The following REC114 variants were observed in gnomAD, a reference collection of about 807,000 sequenced individuals.
REC114 encodes the protein REC114 meiotic recombination protein.
A neutral mutation model predicts 31.3 loss-of-function variants in REC114; 27 were observed. The observed-to-expected ratio is 0.86, with a 90% confidence interval of 0.64 to 1.19. The LOEUF (loss-of-function observed/expected upper bound fraction) is 1.19, where lower values mean the gene tolerates loss of function less well. REC114 is among the 50% of genes most tolerant of loss of function. The pLI, the probability that REC114 is intolerant of heterozygous loss-of-function variation, is 0.00. For missense variants in REC114, 344 were observed against 326.9 expected (o/e 1.05, Z -0.40); for synonymous variants, 134 against 127.7 (o/e 1.05, Z -0.33).
chr15:73,494,491 CAAAA>C (rs769659178), intron 2 of REC114, among the ~76,000 whole-genome samples: 1 of 84,148 alleles, frequency 1.2e-5, no homozygotes. Flanking sequence ...GACCCTGTCT[CAAAA>C]AAAAAAAAAA....
At chr15:73,520,328 T>G (rs998862483) in intron 2 of REC114, among the ~76,000 whole-genome samples, 3 of 152,022 alleles carry the variant, frequency 2.0e-5, no homozygotes, top group African/African-American at 7.2e-5. Flanking sequence ...GCCTCCCGGG[T>G]TTAAGCAATT....
chr15:73,460,813 G>A (rs2151254225), intron 1 of REC114, among the ~76,000 whole-genome samples: 1 of 152,264 alleles, frequency 6.6e-6, no homozygotes, highest in Non-Finnish European at 1.5e-5. Context: ...AAAGACATAA[G>A]GAACTTATTC....
intron 2 of REC114, among the ~76,000 whole-genome samples, chr15:73,526,664 C>A (rs1163946274): frequency 6.6e-6 from 1 of 152,048 alleles, no homozygotes; most frequent in African/African-American, 2.4e-5. Context: ...TTCTTCAATA[C>A]CCTTTTCTGC....
intron 1 of REC114, among the ~76,000 whole-genome samples, chr15:73,470,264 T>C (rs1893116377): frequency 6.6e-6 from 1 of 152,222 alleles, no homozygotes; most frequent in Non-Finnish European, 1.5e-5. Flanking sequence ...TGTTTATCAA[T>C]ATAATCCCAT....
At chr15:73,558,087 C>T (rs1471916143) in intron 5 of REC114, among the ~76,000 whole-genome samples, 2 of 152,060 alleles carry the variant, frequency 1.3e-5, no homozygotes, top group Non-Finnish European at 1.5e-5. Flanking sequence ...ACCTGTAGTC[C>T]CAAGCACTTT....
intron 1 of REC114, among the ~76,000 whole-genome samples, chr15:73,452,612 T>C (rs952427772): frequency 1.3e-5 from 2 of 152,174 alleles, no homozygotes; most frequent in African/African-American, 4.8e-5. Flanking sequence ...ATGACTTTCT[T>C]CACAGAATTG....
intron 3 of REC114, among the ~76,000 whole-genome samples, chr15:73,544,911 T>A (rs1298930924): frequency 6.6e-6 from 1 of 152,216 alleles, no homozygotes; most frequent in Admixed American, 6.5e-5. Context: ...GAAAACCCAC[T>A]GGGTTTTTAT....
chr15:73,546,089 G>C (rs1894304724), intron 3 of REC114, among the ~76,000 whole-genome samples: 1 of 151,956 alleles, frequency 6.6e-6, no homozygotes, highest in Admixed American at 6.6e-5. Flanking sequence ...AATGGCTAAG[G>C]GCATGAATAG....
intron 1 of REC114, 78 bp downstream of exon 1, chr15:73,443,422 G>A: frequency 2.1e-6 from 3 of 1,445,568 alleles, no homozygotes; most frequent in South Asian, 2.9e-5. Flanking sequence ...CACTGGGCCA[G>A]TGCCCCGAAA....
At chr15:73,531,355 C>T (rs531112916) in intron 2 of REC114, among the ~76,000 whole-genome samples, 11 of 152,298 alleles carry the variant, frequency 7.2e-5, no homozygotes, top group South Asian at 6.2e-4. Flanking sequence ...TTCTCCCTTT[C>T]GTTGATGGCT....
chr15:73,463,682 A>G (rs1893019406), intron 1 of REC114, among the ~76,000 whole-genome samples: 2 of 152,074 alleles, frequency 1.3e-5, no homozygotes, highest in African/African-American at 4.8e-5. Context: ...TTAGCTGGGT[A>G]TGGTGGCGCA....
chr15:73,540,154 A>G (rs1199969421), intron 2 of REC114, among the ~76,000 whole-genome samples: 1 of 152,186 alleles, frequency 6.6e-6, no homozygotes, highest in Non-Finnish European at 1.5e-5. Flanking sequence ...GGGGGAATAT[A>G]AAATATTTTG....
intron 2 of REC114, among the ~76,000 whole-genome samples, chr15:73,490,555 G>A (rs1220922033): frequency 3.3e-5 from 5 of 152,098 alleles, no homozygotes; most frequent in African/African-American, 9.7e-5. Context: ...CAAAAAATTA[G>A]CCAGGCATGG....
intron 2 of REC114, among the ~76,000 whole-genome samples, chr15:73,536,310 T>C (rs1894156406): frequency 6.6e-6 from 1 of 152,220 alleles, no homozygotes; most frequent in South Asian, 2.1e-4. Flanking sequence ...TAACTTCCTT[T>C]GGCAGTGATT....
At chr15:73,504,996 T>C (rs1479562774) in intron 2 of REC114, among the ~76,000 whole-genome samples, 1 of 152,224 alleles carries the variant, frequency 6.6e-6, no homozygotes, top group Non-Finnish European at 1.5e-5. Context: ...GCCATGTTCC[T>C]CTAGTCCTCT....
intron 2 of REC114, among the ~76,000 whole-genome samples, chr15:73,500,893 C>CAG (rs1395931006): frequency 6.6e-6 from 1 of 152,088 alleles, no homozygotes; most frequent in East Asian, 1.9e-4. Context: ...CTTAGAACCT[C>CAG]TGCCCCCAGG....
chr15:73,489,596 A>G (rs1035214178), intron 2 of REC114, among the ~76,000 whole-genome samples: 2 of 151,542 alleles, frequency 1.3e-5, no homozygotes, highest in African/African-American at 4.9e-5. Context: ...TCTTAATTCT[A>G]TTATATTATT....
intron 2 of REC114, among the ~76,000 whole-genome samples, chr15:73,495,174 A>G (rs1893501769): frequency 6.6e-6 from 1 of 152,214 alleles, no homozygotes; most frequent in African/African-American, 2.4e-5. Flanking sequence ...TTGAAAGGGT[A>G]CTAACTACTC....
At chr15:73,499,889 T>C (rs1389426035) in intron 2 of REC114, among the ~76,000 whole-genome samples, 1 of 152,192 alleles carries the variant, frequency 6.6e-6, no homozygotes, top group African/African-American at 2.4e-5. Context: ...CTCCTATCCA[T>C]GCTTTAAGAC....
Sources: allele counts gnomAD v4.1 joint callset (sites outside exome capture counted in the v4.1 genomes callset), GRCh38; gene constraint gnomAD v4.1.1; transcripts MANE v1.5; gene names NCBI Gene and HGNC (gene_info 2026-07-23, HGNC 2026-07-21).